The following CNTNAP2 variants were observed in gnomAD, a reference collection of about 807,000 sequenced individuals.
CNTNAP2 encodes contactin associated protein 2.
In CNTNAP2, 98 loss-of-function variants were observed where a neutral mutation model predicts 155.2. The ratio of observed to expected loss-of-function variants is 0.63; its 90% CI spans 0.54 to 0.75. The LOEUF (loss-of-function observed/expected upper bound fraction) is 0.75, where lower values mean the gene tolerates loss of function less well. Ranked by LOEUF, CNTNAP2 falls within the 30% of genes least tolerant of loss-of-function variation. The pLI is 0.00. For synonymous variants in CNTNAP2, 651 were observed against 631.2 expected (o/e 1.03, Z -0.47); for missense variants, 1,727 against 1,688.1 (o/e 1.02, Z -0.40).
In CNTNAP2 at chr7:146,491,375, C is replaced by CAA. The variant is rs75631287; in HGVS notation, c.98-282887_98-282886dup. ...ATCATCATGTTTTTCTTCTTTTTAACAAAAAAAAAACAACATGATCCCAAA... is the reference window on the plus strand; with the variant it reads ...ATCATCATGTTTTTCTTCTTTTTAACAAAAAAAAAAAACAACATGATCCCAAA... On this transcript the variant is annotated intron_variant, in intron 1 of 23. Transcript: ENST00000361727. Among the ~76,000 whole-genome samples, 35 of 144,056 alleles carry CAA rather than the reference C, an allele frequency of 2.4e-4. 1 individual carries two copies. The highest frequency in any genetic ancestry group is 6.8e-4 in the South Asian group (3 of 4,426). The allele number at this position is 144,056 out of a possible 152,430, so 94.5% of individuals were successfully genotyped here. A position where few individuals can be genotyped will look rare whatever the true frequency, so the allele number is the denominator to read the frequency against.
intron 20 of CNTNAP2, among the ~76,000 whole-genome samples, chr7:148,252,131 C>A (rs1253584402): frequency 6.6e-6 from 1 of 152,210 alleles, no homozygotes; most frequent in Non-Finnish European, 1.5e-5. Context: ...AATTGAATGT[C>A]AGTTTCTTCC....
chr7:148,353,668 C>CAT (rs1554422940), intron 21 of CNTNAP2, among the ~76,000 whole-genome samples: 5,487 of 151,892 alleles, frequency 0.036, 104 homozygotes, highest in African/African-American at 0.048. Context: ...CACACACACA[C>CAT]GCACACACAA....
intron 12 of CNTNAP2, among the ~76,000 whole-genome samples, chr7:147,601,592 T>C (rs1324561361): frequency 6.8e-6 from 1 of 147,468 alleles, no homozygotes; most frequent in Non-Finnish European, 1.5e-5. Flanking sequence ...CTCAGAGGCC[T>C]GACAAGTATA....
At position 147,850,081 on chromosome 7, in the gene CNTNAP2, A is replaced by AG. The variant is rs1444770437; in HGVS notation, c.2099-53484_2099-53483insG. 2.0e-5 allele frequency: 3 copies of AG among 152,194 alleles called. No individual in the cohort carries two copies. In the East Asian group the frequency reaches 5.8e-4, roughly 29 times the overall value. The allele number at this position is 152,194 out of a possible 1,614,324, so 9.4% of individuals were successfully genotyped here. A position where few individuals can be genotyped will look rare whatever the true frequency, so the allele number is the denominator to read the frequency against. On this transcript the variant is annotated intron_variant, in intron 13 of 23. Coordinates refer to ENST00000361727, the MANE Select transcript of CNTNAP2 (RefSeq NM_014141.6). ...TTCTGGAAAGAGGCAACATTTTAAG[A>AG]CCATTCAAGATTAACCTTTACTTGA...
intron 1 of CNTNAP2, among the ~76,000 whole-genome samples, chr7:146,643,704 A>C (rs1799756328): frequency 1.3e-5 from 2 of 152,156 alleles, no homozygotes; most frequent in African/African-American, 4.8e-5. Flanking sequence ...GAAGAAAGTC[A>C]TTGGTAGCTT....
intron 1 of CNTNAP2, among the ~76,000 whole-genome samples, chr7:146,749,515 C>T (rs777262080): frequency 1.3e-5 from 2 of 152,158 alleles, no homozygotes; most frequent in African/African-American, 2.4e-5. Context: ...TATTCAGCAT[C>T]TTCTGCAGTA....
chr7:147,568,019 G>A (rs940889605), intron 12 of CNTNAP2, among the ~76,000 whole-genome samples: 1 of 152,208 alleles, frequency 6.6e-6, no homozygotes, highest in Non-Finnish European at 1.5e-5. Context: ...CCGGGGGGCA[G>A]AGGTTCCAGT....
intron 3 of CNTNAP2, among the ~76,000 whole-genome samples, chr7:146,882,585 G>A (rs1795575403): frequency 6.6e-6 from 1 of 151,968 alleles, no homozygotes. Flanking sequence ...ATGATTGTGA[G>A]TTTCCTGAGG....
chr7:147,257,790 G>A (rs756863637), intron 8 of CNTNAP2, among the ~76,000 whole-genome samples: 10 of 152,144 alleles, frequency 6.6e-5, no homozygotes, highest in Non-Finnish European at 1.3e-4. Context: ...ACTCACTATA[G>A]AATCCAGGCT....
chr7:148,200,342 T>C (rs982650449), intron 18 of CNTNAP2, among the ~76,000 whole-genome samples: 49 of 152,288 alleles, frequency 3.2e-4, no homozygotes, highest in Middle Eastern at 3.4e-3. Context: ...TTTTTAAATG[T>C]GGCTACAAAA....
At chr7:147,284,709 T>C (rs780539836) in intron 8 of CNTNAP2, among the ~76,000 whole-genome samples, 1 of 151,962 alleles carries the variant, frequency 6.6e-6, no homozygotes, top group Non-Finnish European at 1.5e-5. Context: ...TACTCACCTA[T>C]GGCATTTTTC....
chr7:148,299,554 AT>A (rs1563031761), intron 21 of CNTNAP2, among the ~76,000 whole-genome samples: 1 of 151,954 alleles, frequency 6.6e-6, no homozygotes, highest in Non-Finnish European at 1.5e-5. Flanking sequence ...ACAGTCAACG[AT>A]TTTTTTCTGA....
rs1007868251 is a variant in CNTNAP2 at position 147,971,824 on chromosome 7, T to C, written c.2256-6038T>C. 2.6e-5 allele frequency among the ~76,000 whole-genome samples: 4 copies of C among 152,328 alleles called. No individual in the cohort carries two copies. In the East Asian group the frequency reaches 5.8e-4, roughly 22 times the overall value. ...GTATAGATATCCAGAAGTAGAATTCTTGAGTCATATGGTGTGTCTATGTTT... is the reference window on the plus strand; with the variant it reads ...GTATAGATATCCAGAAGTAGAATTCCTGAGTCATATGGTGTGTCTATGTTT... On this transcript the variant is annotated intron_variant, in intron 14 of 23. Transcript: ENST00000361727.
intron 13 of CNTNAP2, among the ~76,000 whole-genome samples, chr7:147,776,734 A>G (rs1466234723): frequency 6.6e-6 from 1 of 152,100 alleles, no homozygotes; most frequent in Non-Finnish European, 1.5e-5. Flanking sequence ...GGTAGAACAT[A>G]CTTATCCTTA....
chr7:147,407,799 G>A (rs1203655584), intron 10 of CNTNAP2, among the ~76,000 whole-genome samples: 1 of 152,184 alleles, frequency 6.6e-6, no homozygotes, highest in African/African-American at 2.4e-5. Context: ...CAGCTGCGTG[G>A]TTAATGAAAA....
chr7:146,684,452 T>G (rs955234355), intron 1 of CNTNAP2, among the ~76,000 whole-genome samples: 7 of 152,008 alleles, frequency 4.6e-5, no homozygotes, highest in Non-Finnish European at 1.0e-4. Flanking sequence ...CCAGATATTC[T>G]TGAATTTAAA....
At chr7:146,680,308 A>G (rs1800479929) in intron 1 of CNTNAP2, among the ~76,000 whole-genome samples, 1 of 152,184 alleles carries the variant, frequency 6.6e-6, no homozygotes, top group Non-Finnish European at 1.5e-5. Context: ...AACTCCAGAC[A>G]CCAAAAAGCA....
intron 3 of CNTNAP2, among the ~76,000 whole-genome samples, chr7:147,000,499 G>T (rs1433399234): frequency 6.6e-6 from 1 of 152,134 alleles, no homozygotes; most frequent in East Asian, 1.9e-4. Flanking sequence ...ACTTATTCCA[G>T]TCTTTGCAGT....
At chr7:147,784,495 AT>A (rs1797706318) in intron 13 of CNTNAP2, among the ~76,000 whole-genome samples, 1 of 964 alleles carries the variant, frequency 1.0e-3, no homozygotes, top group Non-Finnish European at 2.1e-3. Context: ...CTCTGGACTA[AT>A]ATATATATAT....
Sources: allele counts gnomAD v4.1 joint callset (sites outside exome capture counted in the v4.1 genomes callset), GRCh38; gene constraint gnomAD v4.1.1; transcripts MANE v1.5; gene names NCBI Gene and HGNC (gene_info 2026-07-23, HGNC 2026-07-21).